The following DRP2 variants were observed in gnomAD, a reference collection of about 807,000 sequenced individuals.
DRP2 encodes dystrophin related protein 2, also known as dystrophin-related protein 2.
A neutral mutation model predicts 78.2 loss-of-function variants in DRP2; 29 were observed. That is an observed-to-expected ratio of 0.37 (90% CI 0.28 to 0.51). The LOEUF (loss-of-function observed/expected upper bound fraction) is 0.51. DRP2 is among the 20% of genes least tolerant of loss of function. The pLI, the probability that DRP2 is intolerant of heterozygous loss-of-function variation, is 0.94. For synonymous variants in DRP2, 290 were observed against 281.9 expected (o/e 1.03, Z -0.29); for missense variants, 686 against 770.6 (o/e 0.89, Z 1.30).
rs780454300 is a variant in DRP2 at position 101,248,178 on chromosome X, A to C, written c.1342A>C (p.Ile448Leu). 3 of 1,211,565 alleles carry C rather than the reference A, an allele frequency of 2.5e-6. No individual in the cohort carries two copies. Among genetic ancestry groups the C allele is most frequent in the Non-Finnish European group, 3.4e-6 (3 of 895,211 alleles). ...GCACGTGATGGATGTGGTAGAGGTC[A>C]TTCACTGCCTGACTGCCTTATATGA... ...SEHVMDVVEV[I>L]HCLTALYERL... The change falls in exon 13 of 24, where the codon ATT (isoleucine) becomes CTT (leucine). Residue 448 changes from isoleucine (I) to leucine (L), a missense_variant. Physicochemically the swap from Ile to Leu is conservative, Grantham distance 5. This residue lies in a region of DRP2 where 423 missense variants were observed against 531.5 expected (regional missense o/e 0.80). Coordinates refer to ENST00000395209, the MANE Select transcript of DRP2 (RefSeq NM_001939.3).
intron 6 of DRP2, among the ~76,000 whole-genome samples, chrX:101,240,399 C>G (rs1602920776): frequency 8.9e-6 from 1 of 112,036 alleles, no homozygotes; most frequent in East Asian, 2.8e-4. Context: ...CCACACCCAG[C>G]TAATTTTTGT....
intron 20 of DRP2, 74 bp from the exon 21 acceptor site, chrX:101,256,044 G>A: frequency 9.1e-7 from 1 of 1,092,924 alleles, no homozygotes; most frequent in Non-Finnish European, 1.2e-6. Flanking sequence ...ATTTCCTGGG[G>A]CCTGAGCTGA....
At chrX:101,237,930 C>T (rs1489019182) in intron 5 of DRP2, among the ~76,000 whole-genome samples, 155 bp downstream of exon 5, 1 of 111,966 alleles carries the variant, frequency 8.9e-6, no homozygotes, top group African/African-American at 3.3e-5. Flanking sequence ...ATGCCACAGC[C>T]TAAGTCAAAT....
chrX:101,240,674 A>G (rs1233103687), intron 6 of DRP2, among the ~76,000 whole-genome samples: 10 of 112,381 alleles, frequency 8.9e-5, no homozygotes, highest in Non-Finnish European at 1.7e-4. Context: ...CTCTTCTCCA[A>G]AAAGAATCCT....
At chrX:101,231,020 T>A (rs1922289952) in intron 2 of DRP2, among the ~76,000 whole-genome samples, 1 of 112,490 alleles carries the variant, frequency 8.9e-6, no homozygotes, top group Non-Finnish European at 1.9e-5. Flanking sequence ...TCTGTGCCTC[T>A]TAAACTCTAA....
chrX:101,231,524 A>ATGCT, intron 2 of DRP2, 61 bp from the exon 3 acceptor site: 1 of 638,818 alleles, frequency 1.6e-6, no homozygotes, highest in Non-Finnish European at 2.7e-6. Flanking sequence ...CTCTGGGTAG[A>ATGCT]TGCTTGATTC....
intron 22 of DRP2, among the ~76,000 whole-genome samples, chrX:101,259,438 A>G (rs1479623908): frequency 9.0e-6 from 1 of 111,455 alleles, no homozygotes; most frequent in African/African-American, 3.3e-5. Context: ...TAGCTTAATT[A>G]TAGCTGAAAT....
At chrX:101,260,368 A>T (rs1923505985) in intron 23 of DRP2, 129 bp from the exon 24 acceptor site, 2 of 971,847 alleles carry the variant, frequency 2.1e-6, no homozygotes, top group South Asian at 4.7e-5. Context: ...CCTATGTATT[A>T]GGCATTGTGC....
rs1435857767 is a variant in DRP2, at chrX:101,262,129, T to C, written c.*1508T>C. The C allele has an allele frequency of 8.9e-6, 1 of 112,217 alleles. No individual in the cohort carries two copies. The highest frequency in any genetic ancestry group is 1.9e-5 in the Non-Finnish European group (1 of 53,244). 9.2% of individuals were successfully genotyped at this position (112,217 alleles called of 1,213,427 possible). A position where few individuals can be genotyped will look rare whatever the true frequency, so the allele number is the denominator to read the frequency against. ...TAGCCCCAGCCTCTGGTTGGAAAGA[T>C]AGATGTATCCTGGCTGTTCCCCTAG... On this transcript the variant is annotated 3_prime_UTR_variant, in exon 24 of 24. Transcript: ENST00000395209.
chrX:101,238,827 T>C (rs766678594), intron 5 of DRP2, among the ~76,000 whole-genome samples, 154 bp from the exon 6 acceptor site: 2 of 111,204 alleles, frequency 1.8e-5, no homozygotes, highest in South Asian at 3.9e-4. Context: ...ATCAGGAGGA[T>C]TGCACGCCTT....
intron 3 of DRP2, among the ~76,000 whole-genome samples, chrX:101,233,628 T>C (rs1305890874): frequency 8.9e-6 from 1 of 111,847 alleles, no homozygotes; most frequent in East Asian, 2.8e-4. Flanking sequence ...AGCTTGGGAA[T>C]GTTAACCTTT....
intron 8 of DRP2, 74 bp downstream of exon 8, chrX:101,242,545 G>A: frequency 8.9e-7 from 1 of 1,124,876 alleles, no homozygotes; most frequent in Non-Finnish European, 1.2e-6. Context: ...CTTCTTCAGG[G>A]GTATGGAAAT....
At chrX:101,241,987 T>G in intron 7 of DRP2, 51 bp downstream of exon 7, 1 of 1,115,596 alleles carries the variant, frequency 9.0e-7, no homozygotes, top group East Asian at 3.3e-5. Context: ...CCTGACACTC[T>G]CCCCAGACAC....
In DRP2 at chrX:101,261,301, A is replaced by T. The variant is rs1923546590; in HGVS notation, c.*680A>T. 1 of 109,983 alleles carries T rather than the reference A, an allele frequency of 9.1e-6. No individual in the cohort carries two copies. The highest frequency in any genetic ancestry group is 1.9e-5 in the Non-Finnish European group (1 of 52,692). 9.1% of individuals were successfully genotyped at this position (109,983 alleles called of 1,213,427 possible). A position where few individuals can be genotyped will look rare whatever the true frequency, so the allele number is the denominator to read the frequency against. ...GTTCATTCTGGTTCTTCTACGTTATATTTGGAAGCATTAAATCCATACTTA... is the reference window on the plus strand; with the variant it reads ...GTTCATTCTGGTTCTTCTACGTTATTTTTGGAAGCATTAAATCCATACTTA... On this transcript the variant is annotated 3_prime_UTR_variant, in exon 24 of 24. Coordinates refer to ENST00000395209, the MANE Select transcript of DRP2 (RefSeq NM_001939.3).
rs201511401 is a variant in DRP2, at chrX:101,231,771, G to A, written c.117+7G>A. The A allele has an allele frequency of 1.0e-5, 12 of 1,185,673 alleles. No homozygotes were observed. In the South Asian group the frequency reaches 1.1e-4, roughly 11 times the overall value. Reference sequence around the variant, plus strand: ...CACCTGCCCCCACCCTCAGGTAAGAGTCTGATAGTGAAAGAAAGACCTGTG... The same window carrying A: ...CACCTGCCCCCACCCTCAGGTAAGAATCTGATAGTGAAAGAAAGACCTGTG... On this transcript the variant is annotated splice_region_variant and intron_variant, in intron 3 of 23. Coordinates refer to ENST00000395209, the MANE Select transcript of DRP2 (RefSeq NM_001939.3).
At chrX:101,253,570 CAG>C (rs1235262975) in intron 17 of DRP2, among the ~76,000 whole-genome samples, 2 of 57,580 alleles carry the variant, frequency 3.5e-5, no homozygotes, top group Admixed American at 3.0e-4. Flanking sequence ...TTTTTTGAGA[CAG>C]AGTCTCACTC....
chrX:101,248,493 G>C (rs1461688466), intron 13 of DRP2, 21 bp from the exon 14 acceptor site: 2 of 1,204,184 alleles, frequency 1.7e-6, no homozygotes, highest in Admixed American at 4.4e-5. Flanking sequence ...CATATTCTCA[G>C]TCTCTTCTTT....
In DRP2 at chrX:101,241,874, A is replaced by T. The variant is rs1339826412; in HGVS notation, c.766A>T (p.Thr256Ser). Residue 256 changes from threonine (T) to serine (S), a missense_variant, in exon 7 of 24, where the codon ACT becomes TCT. Thr to Ser is a moderately conservative substitution (Grantham distance 58). Coordinates refer to ENST00000395209, the MANE Select transcript of DRP2 (RefSeq NM_001939.3). ...TLSQAEGVRATWEPIGDLFID... is the reference protein window; with the variant it reads ...TLSQAEGVRASWEPIGDLFID... ...GAGCCAAGCTGAGGGAGTCCGAGCCACTTGGGAGCCCATTGGGGATCTCTT... is the reference window on the plus strand; with the variant it reads ...GAGCCAAGCTGAGGGAGTCCGAGCCTCTTGGGAGCCCATTGGGGATCTCTT... 4 of 1,179,519 alleles carry T rather than the reference A, an allele frequency of 3.4e-6. No homozygotes were observed. In the African/African-American group the frequency reaches 7.1e-5, roughly 21 times the overall value.
At chrX:101,228,179 C>G (rs989294744) in intron 2 of DRP2, among the ~76,000 whole-genome samples, 1 of 111,833 alleles carries the variant, frequency 8.9e-6, no homozygotes, top group Non-Finnish European at 1.9e-5. Context: ...GTATCATAAA[C>G]GCTTTGATCC....
Sources: allele counts gnomAD v4.1 joint callset (sites outside exome capture counted in the v4.1 genomes callset), GRCh38; gene constraint gnomAD v4.1.1; regional missense constraint gnomAD v4.1.1; transcripts MANE v1.5; gene names NCBI Gene and HGNC (gene_info 2026-07-23, HGNC 2026-07-21).